RELN: variants seen among roughly 807,000 people sequenced by gnomAD.
RELN encodes reelin.
A neutral mutation model predicts 427.6 loss-of-function variants in RELN; 108 were observed. That is an observed-to-expected ratio of 0.25 (90% confidence interval 0.22 to 0.30). The LOEUF is 0.30. Among genes scored for constraint, RELN ranks in the 10% least tolerant of loss-of-function variants. The probability of loss-of-function intolerance (pLI) is 1.00; values close to 1 mark genes in which losing one functional copy is unlikely to be tolerated. For synonymous variants in RELN, 1,524 were observed against 1,513.4 expected (o/e 1.01, Z -0.16); for missense variants, 3,715 against 4,302.8 (o/e 0.86, Z 3.82).
intron 15 of RELN, 47 bp from the exon 16 acceptor site, chr7:103,650,430 CT>C: frequency 8.9e-7 from 1 of 1,124,262 alleles, no homozygotes; most frequent in Non-Finnish European, 1.4e-6. Flanking sequence ...ATGTTCATAT[CT>C]TTAGAATCTA....
chr7:103,747,256 C>A (rs1790862820), intron 6 of RELN, among the ~76,000 whole-genome samples: 1 of 131,290 alleles, frequency 7.6e-6, no homozygotes, highest in South Asian at 2.3e-4. Context: ...CACACTGGGA[C>A]CTGTTGTGGG....
In RELN at chr7:103,603,963, C is replaced by T. The variant is rs1831741609; in HGVS notation, c.3146+383G>A. On this transcript the variant is annotated intron_variant, in intron 23 of 64. Transcript: ENST00000428762. The surrounding 1 kb of genome is among the most constrained non-coding windows in gnomAD (Gnocchi z 4.3). ...TTCCTCTGTCCTCATTAGCAATAAT[C>T]ACCATCTCCCCATGTATACAACCTT... 6.6e-6 allele frequency among the ~76,000 whole-genome samples: 1 copy of T among 152,098 alleles called. No homozygotes were observed. The highest frequency in any genetic ancestry group is 6.6e-5 in the Admixed American group (1 of 15,256).
At chr7:103,980,688 T>C (rs1584418594) in intron 1 of RELN, among the ~76,000 whole-genome samples, 7 of 152,286 alleles carry the variant, frequency 4.6e-5, no homozygotes, top group African/African-American at 1.7e-4. Context: ...TTTGTGAAAA[T>C]TACATGAATT....
intron 60 of RELN, among the ~76,000 whole-genome samples, chr7:103,487,778 T>C (rs980258791): frequency 6.6e-6 from 1 of 152,206 alleles, no homozygotes; most frequent in African/African-American, 2.4e-5. Flanking sequence ...CACTTGATGA[T>C]TCTTAAGAGC....
At chr7:103,899,826 C>T (rs949785071) in intron 2 of RELN, among the ~76,000 whole-genome samples, 4 of 152,188 alleles carry the variant, frequency 2.6e-5, no homozygotes, top group African/African-American at 9.6e-5. Context: ...TTATGACAAA[C>T]CCACAGCCAA....
intron 4 of RELN, among the ~76,000 whole-genome samples, chr7:103,762,736 T>TGTC (rs1791333930): frequency 1.3e-5 from 2 of 152,236 alleles, no homozygotes; most frequent in South Asian, 4.1e-4. Flanking sequence ...CTTGTACATA[T>TGTC]GTCATCTTCT....
At chr7:103,489,061 A>G (rs1276585594) in intron 60 of RELN, among the ~76,000 whole-genome samples, 1 of 152,208 alleles carries the variant, frequency 6.6e-6, no homozygotes, top group Non-Finnish European at 1.5e-5. Flanking sequence ...GATCAAAGGA[A>G]AGCAGGCCTG....
rs1793073863 is a variant in RELN, at chr7:103,824,131, T to C, written c.473+9406A>G. Among the ~76,000 whole-genome samples, 1 of 152,130 alleles carries C rather than the reference T, an allele frequency of 6.6e-6. No homozygotes were observed. Among genetic ancestry groups the C allele is most frequent in the Non-Finnish European group, 1.5e-5 (1 of 68,002 alleles). On this transcript the variant is annotated intron_variant, in intron 3 of 64. Coordinates refer to ENST00000428762, the MANE Select transcript of RELN (RefSeq NM_005045.4). This position sits in a 1 kb window ranked among gnomAD's most constrained non-coding sequence, Gnocchi z 4.4. ...TTTATCAGTACTAATTTATTTTATT[T>C]ATCTTGCTTAGATAGAAAACACACA... is the stretch of plus-strand genomic sequence containing the variant.
intron 57 of RELN, among the ~76,000 whole-genome samples, chr7:103,494,181 G>A (rs1018451238): frequency 6.6e-6 from 1 of 152,130 alleles, no homozygotes; most frequent in Non-Finnish European, 1.5e-5. Flanking sequence ...TGGGGAGCTT[G>A]CCTTACCCTC....
At chr7:103,764,132 G>A (rs910269021) in intron 4 of RELN, among the ~76,000 whole-genome samples, 4 of 152,140 alleles carry the variant, frequency 2.6e-5, no homozygotes, top group African/African-American at 9.7e-5. Context: ...TGAGTTCAAG[G>A]TGCCTAAATG....
chr7:103,574,206 G>A lies in RELN; in HGVS notation c.4397C>T (p.Thr1466Ile), dbSNP rs188328812. Reference protein sequence around the residue: ...GKLSPLWYKITGAQVGTGCGT... With the variant: ...GKLSPLWYKIIGAQVGTGCGT... ...ACAGCCAGTTCCAACCTGGGCACCT[G>A]TTATCTTGTACCACAGAGGGCTGAG... The change falls in exon 30 of 65, where the codon ACA (threonine) becomes ATA (isoleucine). Residue 1466 changes from threonine to isoleucine, a missense_variant. This residue lies in a region of RELN where 2,208 missense variants were observed against 2,361.7 expected (regional missense o/e 0.93). Coordinates refer to ENST00000428762, the MANE Select transcript of RELN (RefSeq NM_005045.4). 142 of 1,614,124 alleles carry A rather than the reference G, an allele frequency of 8.8e-5. No homozygotes were observed. The highest frequency in any genetic ancestry group is 1.2e-4 in the Non-Finnish European group (138 of 1,179,994).
Position 103,536,362 on chromosome 7 carries a change from C to T in RELN, c.7181-878G>A, listed in dbSNP as rs558020753. On this transcript the variant is annotated intron_variant, in intron 45 of 64. Transcript: ENST00000428762. ...ACTTTATAAGCTGCCTACGTCCCTA[C>T]CTCCCTTCCGAAATTGCTTTCTCTA... 2.6e-5 allele frequency among the ~76,000 whole-genome samples: 4 copies of T among 152,274 alleles called. No individual in the cohort carries two copies. In the South Asian group the frequency reaches 8.3e-4, roughly 32 times the overall value.
At chr7:103,695,033 A>AACAATGTTTT (rs1355007533) in intron 10 of RELN, among the ~76,000 whole-genome samples, 4 of 152,112 alleles carry the variant, frequency 2.6e-5, no homozygotes, top group Non-Finnish European at 1.5e-5. Flanking sequence ...TCCAAAATAA[A>AACAATGTTTT]ACAATGTTTT....
intron 51 of RELN, among the ~76,000 whole-genome samples, chr7:103,503,893 T>TA (rs71154347): frequency 0.18 from 17,401 of 96,386 alleles, 1,480 homozygotes; most frequent in South Asian, 0.29. Context: ...AATGTTCTTG[T>TA]AAAAAAAAAA....
chr7:103,813,192 G>T (rs1792786877), intron 3 of RELN, among the ~76,000 whole-genome samples: 1 of 152,072 alleles, frequency 6.6e-6, no homozygotes, highest in Admixed American at 6.6e-5. Flanking sequence ...ATGGCCAATT[G>T]TCTTTTATGA....
In RELN at chr7:103,490,799, C is replaced by A; in HGVS notation, c.9474G>T (p.Gln3158His). The change falls in exon 59 of 65, where the codon CAG becomes CAT. Residue 3158 changes from glutamine (Q) to histidine (H), a missense_variant. Transcript: ENST00000428762. ...RSDSWQLVQT[Q>H]CLPSSSNSIG... ...TGCTGTTAGAAGAGGAAGGAAGGCA[C>A]TGGGTCTGTACGAGCTGCCAGGAAT... 1 of 1,614,172 alleles carries A rather than the reference C, an allele frequency of 6.2e-7. No homozygotes were observed. The highest frequency in any genetic ancestry group is 8.5e-7 in the Non-Finnish European group (1 of 1,180,048).
intron 51 of RELN, chr7:103,504,543 T>G (rs1829143209): frequency 6.6e-6 from 1 of 152,228 alleles, no homozygotes; most frequent in African/African-American, 2.4e-5. Flanking sequence ...TTTCGGCATT[T>G]CCAACTGAGG....
At chr7:103,947,272 T>A (rs776055866) in intron 1 of RELN, among the ~76,000 whole-genome samples, 5 of 152,196 alleles carry the variant, frequency 3.3e-5, no homozygotes, top group Admixed American at 6.5e-5. Context: ...TGTAACAGGT[T>A]GAATCATGGT....
intron 45 of RELN, 60 bp from the exon 46 acceptor site, chr7:103,535,544 T>C: frequency 6.1e-6 from 9 of 1,471,962 alleles, no homozygotes; most frequent in Non-Finnish European, 8.5e-6. Flanking sequence ...GGAACCATAA[T>C]TGTTTATCAC....
Sources: gnomAD v4.1 joint callset for allele counts (sites outside exome capture counted in the v4.1 genomes callset) on GRCh38, gnomAD v4.1.1 for gene constraint, gnomAD v4.1.1 regional missense constraint, Gnocchi (gnomAD v3.1) non-coding constraint, MANE v1.5 for transcripts, NCBI Gene and HGNC (gene_info 2026-07-23, HGNC 2026-07-21) for gene names.